RIPOR3: variants seen among roughly 807,000 people sequenced by gnomAD.
RIPOR3 encodes the protein family with sequence similarity 65 member C.
Under a neutral mutation model 114.3 loss-of-function variants are expected in RIPOR3, and 95 were observed. The ratio of observed to expected loss-of-function variants is 0.83; its 90% CI spans 0.70 to 0.99. RIPOR3 has a LOEUF of 0.99. Ranked by LOEUF, RIPOR3 falls within the 50% of genes least tolerant of loss-of-function variation. RIPOR3 has a pLI of 0.00. For missense variants in RIPOR3, 1,252 were observed against 1,266.9 expected (o/e 0.99, Z 0.18); for synonymous variants, 575 against 543.8 (o/e 1.06, Z -0.80).
intron 2 of RIPOR3, among the ~76,000 whole-genome samples, chr20:50,629,707 T>A (rs970606871): frequency 6.6e-5 from 10 of 152,224 alleles, no homozygotes; most frequent in Non-Finnish European, 1.5e-5. Flanking sequence ...CCCTCGTGGT[T>A]CCTTCCCGAC....
chr20:50,596,022 T>C, intron 15 of RIPOR3, 118 bp downstream of exon 15: 1 of 1,435,804 alleles, frequency 7.0e-7, no homozygotes, highest in Non-Finnish European at 9.5e-7. Context: ...TCTCACGGGC[T>C]TCCAGGATGC....
intron 1 of RIPOR3, chr20:50,636,890 A>T (rs887412029): frequency 2.0e-6 from 2 of 985,158 alleles, no homozygotes; most frequent in Admixed American, 1.2e-4. Flanking sequence ...ATTTAACGTT[A>T]TGGGCTTTTG....
chr20:50,644,256 G>A (rs534484838), intron 1 of RIPOR3, among the ~76,000 whole-genome samples: 2 of 152,274 alleles, frequency 1.3e-5, no homozygotes, highest in South Asian at 2.1e-4. Flanking sequence ...ACAGGCATAA[G>A]CCACTGCACC....
chr20:50,658,996 G>A (rs2085907042), intron 1 of RIPOR3, among the ~76,000 whole-genome samples: 1 of 152,188 alleles, frequency 6.6e-6, no homozygotes, highest in Non-Finnish European at 1.5e-5. Flanking sequence ...TGTTGGCCCT[G>A]AGAGCTCAGA....
intron 13 of RIPOR3, among the ~76,000 whole-genome samples, chr20:50,600,955 A>G (rs2083472791): frequency 6.6e-6 from 1 of 152,186 alleles, no homozygotes; most frequent in Non-Finnish European, 1.5e-5. Context: ...GTGGTTGGCG[A>G]TAAAATGTGT....
chr20:50,666,388 C>A (rs960035743), intron 1 of RIPOR3, among the ~76,000 whole-genome samples: 1 of 150,108 alleles, frequency 6.7e-6, no homozygotes, highest in African/African-American at 2.5e-5. Context: ...CTACACCCAG[C>A]TAAATTTTGT....
At chr20:50,604,893 G>T in intron 11 of RIPOR3, 119 bp from the exon 12 acceptor site, 1 of 1,239,096 alleles carries the variant, frequency 8.1e-7, no homozygotes. Context: ...CAATACAATA[G>T]CATGGATGGT....
chr20:50,639,567 C>T (rs536957061), intron 1 of RIPOR3, among the ~76,000 whole-genome samples: 2 of 152,254 alleles, frequency 1.3e-5, no homozygotes, highest in East Asian at 3.9e-4. Context: ...CAATGACTCA[C>T]CAAAACGCCT....
intron 1 of RIPOR3, chr20:50,636,886 C>T (rs1173845314): frequency 2.0e-6 from 2 of 985,270 alleles, no homozygotes; most frequent in East Asian, 1.1e-4. Context: ...CTAAATTTAA[C>T]GTTATGGGCT....
intron 11 of RIPOR3, among the ~76,000 whole-genome samples, chr20:50,607,962 G>A (rs1449321445): frequency 6.6e-6 from 1 of 152,182 alleles, no homozygotes; most frequent in Non-Finnish European, 1.5e-5. Context: ...ATGGACATGG[G>A]CTTCATGGGT....
rs1452288964 is a variant in RIPOR3 at position 50,594,424 on chromosome 20, G to A, written c.2212+129C>T. The stretch of plus-strand genomic sequence containing the variant: ...GCACTGAAGCTGAGAAAGCTCCTCC[G>A]TCCGATGGCATGAAGACACAGAGGT... On this transcript the variant is annotated intron_variant, in intron 17 of 21. Coordinates refer to ENST00000327979, the MANE Select transcript of RIPOR3 (RefSeq NM_001290268.2). 17 of 1,155,948 alleles carry A rather than the reference G, an allele frequency of 1.5e-5. No homozygotes were observed. In the East Asian group the frequency reaches 1.7e-4, roughly 11 times the overall value. 71.6% of individuals were successfully genotyped at this position (1,155,948 alleles called of 1,614,324 possible). A position where few individuals can be genotyped will look rare whatever the true frequency, so the allele number is the denominator to read the frequency against.
chr20:50,593,311 A>T (rs931743547), intron 17 of RIPOR3, 115 bp from the exon 18 acceptor site: 25 of 1,187,232 alleles, frequency 2.1e-5, no homozygotes, highest in Non-Finnish European at 2.6e-5. Flanking sequence ...AGTGGCTCGC[A>T]CCTGTAACCC....
rs1423183695 is a variant in RIPOR3, at chr20:50,589,712, C to T, written c.2635G>A (p.Ala879Thr). ...AENDARLQQA[A>T]CLALKHLKGI... ...TTGAGGTGTTTGAGCGCTAGGCATGCGGCCTGCTGGAGCCTTGCGTCGTTC... is the reference window on the plus strand; with the variant it reads ...TTGAGGTGTTTGAGCGCTAGGCATGTGGCCTGCTGGAGCCTTGCGTCGTTC... The change falls in exon 20 of 22, where the codon GCA becomes ACA. Residue 879 changes from alanine to threonine, a missense_variant. Transcript: ENST00000327979. 4.3e-6 allele frequency: 7 copies of T among 1,613,526 alleles called. No individual in the cohort carries two copies. Among genetic ancestry groups the T allele is most frequent in the Middle Eastern group, 1.6e-4 (1 of 6,082 alleles).
chr20:50,621,203 C>A, intron 2 of RIPOR3: 1 of 334,910 alleles, frequency 3.0e-6, no homozygotes, highest in South Asian at 2.6e-5. Context: ...AGCCCAAATG[C>A]CAATGCTCTC....
chr20:50,588,423 G>A (rs2082993623), intron 20 of RIPOR3, among the ~76,000 whole-genome samples: 1 of 152,242 alleles, frequency 6.6e-6, no homozygotes. Context: ...AGTTCAATCT[G>A]TACTGAATTA....
chr20:50,612,184 C>A (rs946528169), intron 4 of RIPOR3, among the ~76,000 whole-genome samples: 35 of 151,724 alleles, frequency 2.3e-4, no homozygotes, highest in African/African-American at 7.7e-4. Flanking sequence ...CTTTGCCTAC[C>A]TTAGAGTTAC....
intron 2 of RIPOR3, 120 bp downstream of exon 2, chr20:50,630,618 A>C: frequency 1.3e-6 from 1 of 747,342 alleles, no homozygotes; most frequent in Non-Finnish European, 2.2e-6. Context: ...TCGGGCTGCA[A>C]GCCGGCCTGA....
At chr20:50,671,986 ATGGATGGAT>A (rs2086523167) in intron 1 of RIPOR3, among the ~76,000 whole-genome samples, 1 of 6,088 alleles carries the variant, frequency 1.6e-4, no homozygotes, top group African/African-American at 2.4e-4. Flanking sequence ...GGGTGCGTGG[ATGGATGGAT>A]GGATGGATGG....
chr20:50,691,121 C>T lies in RIPOR3; in HGVS notation c.3+5G>A. 1 of 1,289,504 alleles carries T rather than the reference C, an allele frequency of 7.8e-7. No homozygotes were observed. The highest frequency in any genetic ancestry group is 1.2e-5 in the South Asian group (1 of 81,038). The allele number at this position is 1,289,504 out of a possible 1,614,324, so 79.9% of individuals were successfully genotyped here. A position where few individuals can be genotyped will look rare whatever the true frequency, so the allele number is the denominator to read the frequency against. On this transcript the variant is annotated splice_donor_5th_base_variant and intron_variant, in intron 1 of 21. Coordinates refer to ENST00000327979, the MANE Select transcript of RIPOR3 (RefSeq NM_001290268.2). ...ACACATGGGGAGCAGTCACTTCACA[C>T]TCACCATCGAGCAGGTCTGGACACT...
Sources: gnomAD v4.1 joint callset for allele counts (sites outside exome capture counted in the v4.1 genomes callset) on GRCh38, gnomAD v4.1.1 for gene constraint, MANE v1.5 for transcripts, NCBI Gene and HGNC (gene_info 2026-07-23, HGNC 2026-07-21) for gene names.